C22orf23: variants seen among roughly 807,000 people sequenced by gnomAD.
The protein encoded by C22orf23 is UPF0193 protein EVG1.
Under a neutral mutation model 29.7 loss-of-function variants are expected in C22orf23, and 30 were observed. That is an observed-to-expected ratio of 1.01 (90% CI 0.76 to 1.37). The LOEUF (loss-of-function observed/expected upper bound fraction) is 1.37. Among genes scored for constraint, C22orf23 ranks in the 40% most tolerant of loss-of-function variants. The pLI, the probability that C22orf23 is intolerant of heterozygous loss-of-function variation, is 0.00. For synonymous variants in C22orf23, 90 were observed against 96.1 expected (o/e 0.94, Z 0.37); for missense variants, 237 against 273.1 (o/e 0.87, Z 0.93).
chr22:37,951,125 T>C, intron 3 of C22orf23: 1 of 194,940 alleles, frequency 5.1e-6, no homozygotes, highest in South Asian at 9.4e-5. Context: ...GGCAGGAGAA[T>C]GGCATGAACC....
upstream of C22orf23, chr22:37,953,646 C>G (rs1252931459): frequency 3.0e-6 from 3 of 1,011,808 alleles, no homozygotes; most frequent in Non-Finnish European, 4.3e-6. Flanking sequence ...TTTCCCCGCT[C>G]TGTCCTGCCT....
intron 4 of C22orf23, among the ~76,000 whole-genome samples, chr22:37,945,810 TA>T (rs1169265242): frequency 0.018 from 1,460 of 80,840 alleles, 19 homozygotes; most frequent in African/African-American, 0.052. Context: ...ATCCTATCTC[TA>T]AAAAAAAAAA....
rs777362581 is a variant in C22orf23, at chr22:37,951,465, A to C, written c.161T>G (p.Met54Arg). 2 of 1,613,886 alleles carry C rather than the reference A, an allele frequency of 1.2e-6. No individual in the cohort carries two copies. The highest frequency in any genetic ancestry group is 1.7e-6 in the Non-Finnish European group (2 of 1,179,876). ...CTCTGTGGACTGCCCCTTACTTTTCATGATGTCCATGATGTGGCGCTGCTG... is the reference window on the plus strand; with the variant it reads ...CTCTGTGGACTGCCCCTTACTTTTCCTGATGTCCATGATGTGGCGCTGCTG... ...NIQQRHIMDI[M>R]KRGDALPLQC... is the part of the protein sequence containing the mutation. Residue 54 changes from methionine to arginine, a missense_variant, in exon 3 of 7, where the codon ATG becomes AGG. Coordinates refer to ENST00000403305, the MANE Select transcript of C22orf23 (RefSeq NM_032561.5).
chr22:37,950,104 T>A (rs1380195457), intron 3 of C22orf23, among the ~76,000 whole-genome samples: 1 of 151,746 alleles, frequency 6.6e-6, no homozygotes, highest in African/African-American at 2.4e-5. Context: ...CTGACCTGTT[T>A]TTTTTTATTT....
intron 2 of C22orf23, chr22:37,952,574 G>A (rs1437077872): frequency 1.6e-5 from 2 of 123,924 alleles, no homozygotes; most frequent in African/African-American, 6.3e-5. Context: ...ATATGCAGTA[G>A]AATTTTGAAG....
At chr22:37,945,942 T>C (rs1930674279) in intron 4 of C22orf23, among the ~76,000 whole-genome samples, 1 of 147,304 alleles carries the variant, frequency 6.8e-6, no homozygotes, top group African/African-American at 2.5e-5. Flanking sequence ...TGAAACCCCA[T>C]CTCTACTAAA....
chr22:37,945,107 C>T lies in C22orf23; in HGVS notation c.416G>A (p.Arg139Gln), dbSNP rs779071455. The T allele has an allele frequency of 3.0e-5, 49 of 1,613,704 alleles. No individual in the cohort carries two copies. The highest frequency in any genetic ancestry group is 1.6e-4 in the Middle Eastern group (1 of 6,084). Residue 139 changes from arginine (R) to glutamine (Q), a missense_variant, in exon 5 of 7, where the codon CGG (arginine) becomes CAG (glutamine). Physicochemically the swap from Arg to Gln is conservative, Grantham distance 43. Transcript: ENST00000403305. ...TCGTGCAGGAGGGGCCTTTCTTTTC[C>T]GTTCCTCCATGTCCTTCCCTGTGGC... ...IFATGKDMEE[R>Q]KRKAPPARQK...
intron 4 of C22orf23, among the ~76,000 whole-genome samples, chr22:37,946,474 A>G (rs8135309): frequency 0.035 from 5,316 of 151,148 alleles, 316 homozygotes; most frequent in African/African-American, 0.12. Context: ...TATTCTGGAG[A>G]CTGAGGCAGG....
At chr22:37,950,379 T>G (rs1930942748) in intron 3 of C22orf23, among the ~76,000 whole-genome samples, 1 of 152,218 alleles carries the variant, frequency 6.6e-6, no homozygotes, top group South Asian at 2.1e-4. Flanking sequence ...CCCAAAGTGC[T>G]GGGATTACAG....
At chr22:37,946,595 A>T (rs1462038944) in intron 4 of C22orf23, among the ~76,000 whole-genome samples, 1 of 151,418 alleles carries the variant, frequency 6.6e-6, no homozygotes, top group African/African-American at 2.4e-5. Context: ...AAAAAAAAAA[A>T]AAGGCCGGGA....
rs368238778 is a variant in C22orf23 at position 37,944,289 on chromosome 22, A to G, written c.583-43T>C. 14 of 1,613,864 alleles carry G rather than the reference A, an allele frequency of 8.7e-6. No homozygotes were observed. In the Admixed American group the frequency reaches 2.3e-4, roughly 27 times the overall value. ...GAAAGCAGGTGTATCAGGGCTAGGA[A>G]CCTGAGGAGCTGTCACAGCAGTGAG... On this transcript the variant is annotated intron_variant, in intron 6 of 6. Transcript: ENST00000403305.
chr22:37,948,169 C>T (rs546067422), intron 3 of C22orf23, among the ~76,000 whole-genome samples: 36 of 151,980 alleles, frequency 2.4e-4, no homozygotes, highest in African/African-American at 8.0e-4. Flanking sequence ...GTCAAAAGGC[C>T]AGGTGCAGTG....
At chr22:37,951,367 T>A in intron 3 of C22orf23, 93 bp downstream of exon 3, 1 of 1,155,314 alleles carries the variant, frequency 8.7e-7, no homozygotes, top group East Asian at 2.4e-5. Context: ...TTGTTTTTTT[T>A]ATATGAGGTC....
chr22:37,953,655 C>T (rs1931216921), upstream of C22orf23: 19 of 1,117,444 alleles, frequency 1.7e-5, no homozygotes, highest in South Asian at 2.5e-4. Flanking sequence ...TCTGTCCTGC[C>T]TCCCGGAAGT....
At chr22:37,951,692 T>C (rs1931021305) in intron 2 of C22orf23, 170 bp from the exon 3 acceptor site, 1 of 405,732 alleles carries the variant, frequency 2.5e-6, no homozygotes, top group Admixed American at 4.1e-5. Flanking sequence ...CCTAAAATTC[T>C]ATATATTTTA....
chr22:37,946,569 A>G (rs1218642562), intron 4 of C22orf23, among the ~76,000 whole-genome samples: 1 of 145,628 alleles, frequency 6.9e-6, no homozygotes, highest in East Asian at 2.0e-4. Flanking sequence ...AATGAGAGCG[A>G]CACTGTCTCA....
chr22:37,951,240 G>A (rs1460395881), intron 3 of C22orf23: 5 of 482,790 alleles, frequency 1.0e-5, no homozygotes, highest in Non-Finnish European at 1.9e-5. Flanking sequence ...GTGGAGATGA[G>A]GTCTTGTGGC....
intron 3 of C22orf23, among the ~76,000 whole-genome samples, chr22:37,948,623 A>AAAACAAAACAAAATG (rs1470512626): frequency 6.6e-6 from 1 of 152,206 alleles, no homozygotes; most frequent in African/African-American, 2.4e-5. Context: ...TCTGTCTCAA[A>AAAACAAAACAAAATG]AAACAAAACA....
At position 37,943,695 on chromosome 22, in the gene C22orf23, G is replaced by A. The variant is rs1454869139; in HGVS notation, c.*480C>T. 2 of 175,420 alleles carry A rather than the reference G, an allele frequency of 1.1e-5. No individual in the cohort carries two copies. The highest frequency in any genetic ancestry group is 2.5e-5 in the Non-Finnish European group (2 of 81,452). The allele number at this position is 175,420 out of a possible 1,614,324, so 10.9% of individuals were successfully genotyped here. On this transcript the variant is annotated 3_prime_UTR_variant, in exon 7 of 7. Coordinates refer to ENST00000403305, the MANE Select transcript of C22orf23 (RefSeq NM_032561.5). ...AAAGTCTAATGCCTTGAACAAATAA[G>A]CTTATCCCTCTGAAAACAAAATGGT... is the stretch of plus-strand genomic sequence containing the variant.
Sources: gnomAD v4.1 joint callset for allele counts (sites outside exome capture counted in the v4.1 genomes callset) on GRCh38, gnomAD v4.1.1 for gene constraint, MANE v1.5 for transcripts, NCBI Gene and HGNC (gene_info 2026-07-23, HGNC 2026-07-21) for gene names.